The following MBNL2 variants were observed in gnomAD, a reference collection of about 807,000 sequenced individuals.
MBNL2 encodes muscleblind-like protein 2.
A neutral mutation model predicts 41.9 loss-of-function variants in MBNL2; 17 were observed. That is an observed-to-expected ratio of 0.41 (90% CI 0.28 to 0.61). MBNL2 has a LOEUF of 0.61. MBNL2 is among the 20% of genes least tolerant of loss of function. The pLI is 0.35. For synonymous variants in MBNL2, 195 were observed against 182.9 expected, an observed-to-expected ratio of 1.07 and a Z score of -0.53; for missense variants, 336 against 505.6, an observed-to-expected ratio of 0.66 and a Z score of 3.22.
At chr13:97,160,868 A>G in the MBNL2 span, among the ~76,000 whole-genome samples, 4 of 152,180 alleles carry the variant, frequency 2.6e-5, no homozygotes, top group African/African-American at 7.2e-5. Flanking sequence ...TTCTAACACT[A>G]TAGTTTGGGC....
the MBNL2 span, among the ~76,000 whole-genome samples, chr13:97,210,303 C>G: frequency 2.0e-4 from 30 of 152,114 alleles, no homozygotes; most frequent in African/African-American, 7.0e-4. Context: ...AAAATGTCAT[C>G]TGTGTTTCTT....
At position 97,391,347 on chromosome 13, in the gene MBNL2, C is replaced by T. The variant is rs750533362; in HGVS notation, c.1074C>T (p.Asn358=). ...ATAATTCTGAAATAATCAGCAGAAACGGAATGGAATGCCAAGAATCTGCAT... is the reference window on the plus strand; with the variant it reads ...ATAATTCTGAAATAATCAGCAGAAATGGAATGGAATGCCAAGAATCTGCAT... ...SIDNSEIISR[N]GMECQESALR... Residue 358 remains asparagine (N), a synonymous_variant, in exon 9 of 9, where the codon AAC becomes AAT. Transcript: ENST00000679496. The T allele has an allele frequency of 1.4e-5, 22 of 1,545,652 alleles. No individual in the cohort carries two copies. Among genetic ancestry groups the T allele is most frequent in the African/African-American group, 5.4e-5 (4 of 73,524 alleles).
At chr13:97,284,494 G>A (rs2054042854) in intron 2 of MBNL2, among the ~76,000 whole-genome samples, 1 of 152,074 alleles carries the variant, frequency 6.6e-6, no homozygotes, top group African/African-American at 2.4e-5. Flanking sequence ...CAGTTATTTT[G>A]GGTTAAGGCC....
the MBNL2 span, among the ~76,000 whole-genome samples, chr13:97,206,046 A>G: frequency 6.6e-6 from 1 of 152,216 alleles, no homozygotes; most frequent in Non-Finnish European, 1.5e-5. Flanking sequence ...ATTATAGATC[A>G]AAGCTATTAA....
At chr13:97,273,954 G>C (rs1358470547) in intron 1 of MBNL2, among the ~76,000 whole-genome samples, 1 of 151,982 alleles carries the variant, frequency 6.6e-6, no homozygotes, top group South Asian at 2.1e-4. Context: ...CCAGCTACTC[G>C]GGAAGCTGAG....
At chr13:97,289,538 C>G (rs2055388430) in intron 2 of MBNL2, among the ~76,000 whole-genome samples, 1 of 152,290 alleles carries the variant, frequency 6.6e-6, no homozygotes, top group South Asian at 2.1e-4. Flanking sequence ...ATGAAGAATT[C>G]TAGTAGGTCC....
chr13:97,215,534 G>A, the MBNL2 span, among the ~76,000 whole-genome samples: 1 of 152,196 alleles, frequency 6.6e-6, no homozygotes, highest in African/African-American at 2.4e-5. Context: ...AAGCAATGTG[G>A]AACAGGAAAT....
chr13:97,275,004 G>A (rs1178397442), intron 1 of MBNL2, among the ~76,000 whole-genome samples: 1 of 152,158 alleles, frequency 6.6e-6, no homozygotes, highest in Non-Finnish European at 1.5e-5. Flanking sequence ...CTAAGGCACT[G>A]GGAATACAGA....
At chr13:97,145,071 G>A in the MBNL2 span, among the ~76,000 whole-genome samples, 1 of 152,238 alleles carries the variant, frequency 6.6e-6, no homozygotes. Context: ...TCATATCTAG[G>A]TAGAAGCTTC....
At chr13:97,311,975 T>C (rs1234288078) in intron 2 of MBNL2, among the ~76,000 whole-genome samples, 1 of 152,224 alleles carries the variant, frequency 6.6e-6, no homozygotes, top group Non-Finnish European at 1.5e-5. Flanking sequence ...GAAAAGAGCT[T>C]CTACTCTTGG....
At chr13:97,220,012 G>A (rs1411310493), upstream of MBNL2, among the ~76,000 whole-genome samples, 2 of 152,200 alleles carry the variant, frequency 1.3e-5, no homozygotes, top group Non-Finnish European at 2.9e-5. Flanking sequence ...TCAAATGGTG[G>A]TTGAAGAAGG....
chr13:97,218,189 T>C (rs2040531809), upstream of MBNL2, among the ~76,000 whole-genome samples: 1 of 151,956 alleles, frequency 6.6e-6, no homozygotes, highest in South Asian at 2.1e-4. Flanking sequence ...GGAGGTCGGA[T>C]CATGAGGTCA....
chr13:97,241,721 A>C (rs2044318639), intron 1 of MBNL2, among the ~76,000 whole-genome samples: 2 of 152,166 alleles, frequency 1.3e-5, no homozygotes, highest in Non-Finnish European at 2.9e-5. Flanking sequence ...ATGCACCCCA[A>C]AAGCCATTGG....
rs3782985 is a variant in MBNL2, at chr13:97,367,673, C to T, written c.1048+2502C>T. On this transcript the variant is annotated intron_variant, in intron 8 of 8. Coordinates refer to ENST00000679496, the MANE Select transcript of MBNL2 (RefSeq NM_001382683.1). ...GAATGCAGGAATAAAAGTTAAACCC[C>T]GTGACAGTGCTGACTGTGGCCTCAG... 5.9e-5 allele frequency among the ~76,000 whole-genome samples: 9 copies of T among 152,190 alleles called. No homozygotes were observed. In the East Asian group the frequency reaches 1.5e-3, roughly 26 times the overall value.
the MBNL2 span, among the ~76,000 whole-genome samples, chr13:97,158,310 C>T: frequency 9.7e-3 from 1,459 of 150,708 alleles, 18 homozygotes; most frequent in Non-Finnish European, 0.016. Context: ...GTCTTGCTAG[C>T]GGTCTATCAA....
In MBNL2 at chr13:97,266,185, T is replaced by A. The variant is rs954779360; in HGVS notation, c.-604-9447T>A. On this transcript the variant is annotated intron_variant, in intron 1 of 8. Transcript: ENST00000679496. ...TGAACCTGGGAGGCGGAGGTTGCAG[T>A]GAGCCGAGATTGTGCCACTGCACTC... Among the ~76,000 whole-genome samples, 30 of 152,094 alleles carry A rather than the reference T, an allele frequency of 2.0e-4. 1 individual carries two copies. Among genetic ancestry groups the A allele is most frequent in the Admixed American group, 2.0e-3 (30 of 15,266 alleles).
chr13:97,373,086 A>G (rs551496807), intron 8 of MBNL2, among the ~76,000 whole-genome samples: 2 of 152,322 alleles, frequency 1.3e-5, no homozygotes, highest in African/African-American at 4.8e-5. Flanking sequence ...GCCTCTATGG[A>G]TGGCTGATCA....
chr13:97,252,244 T>C (rs140515267), intron 1 of MBNL2, among the ~76,000 whole-genome samples: 50 of 152,338 alleles, frequency 3.3e-4, no homozygotes, highest in African/African-American at 1.2e-3. Flanking sequence ...AATAACAAAT[T>C]GTTTTAATTG....
intron 5 of MBNL2, among the ~76,000 whole-genome samples, chr13:97,351,538 G>T (rs1016635387): frequency 2.6e-5 from 4 of 152,156 alleles, no homozygotes; most frequent in African/African-American, 9.7e-5. Context: ...AGTGATCTTA[G>T]CTAGATCTTC....
Sources: gnomAD v4.1 joint callset for allele counts (sites outside exome capture counted in the v4.1 genomes callset) on GRCh38, gnomAD v4.1.1 for gene constraint, MANE v1.5 for transcripts, NCBI Gene and HGNC (gene_info 2026-07-23, HGNC 2026-07-21) for gene names.